ABCA13: variants seen among roughly 807,000 people sequenced by gnomAD.
ABCA13 encodes ATP-binding cassette sub-family A member 13.
ABCA13 carries 476 observed loss-of-function variants against 478.7 expected under a neutral mutation model. The observed-to-expected ratio is 0.99, with a 90% CI of 0.92 to 1.07. The LOEUF is 1.07. ABCA13 is among the 50% of genes least tolerant of loss of function. The pLI, the probability that ABCA13 is intolerant of heterozygous loss-of-function variation, is 0.00. For synonymous variants in ABCA13, 2,252 were observed against 2,158.9 expected (o/e 1.04, Z -1.20); for missense variants, 6,060 against 5,910.6 (o/e 1.03, Z -0.83).
chr7:48,411,341 C>CTTTTCTTTTCTTTTCTTTTCTTTTCTTT (rs1819206644), intron 40 of ABCA13, among the ~76,000 whole-genome samples: 1 of 69,130 alleles, frequency 1.4e-5, no homozygotes, highest in African/African-American at 5.3e-5. Flanking sequence ...TGGAGTCTTG[C>CTTTTCTTTTCTTTTCTTTTCTTTTCTTT]TCTGTTGCCC....
chr7:48,561,415 C>G (rs1786445044), intron 55 of ABCA13, among the ~76,000 whole-genome samples: 1 of 152,064 alleles, frequency 6.6e-6, no homozygotes, highest in Non-Finnish European at 1.5e-5. Context: ...CTTGTCTTTT[C>G]TCTTTTTGAT....
intron 45 of ABCA13, among the ~76,000 whole-genome samples, chr7:48,478,713 G>T (rs10237473): frequency 0.16 from 24,372 of 152,010 alleles, 2,121 homozygotes; most frequent in East Asian, 0.23. Context: ...GTCTTACAGG[G>T]AGGAGAAGAA....
intron 24 of ABCA13, among the ~76,000 whole-genome samples, chr7:48,311,960 G>A (rs1451424456): frequency 6.6e-6 from 1 of 152,204 alleles, no homozygotes; most frequent in African/African-American, 2.4e-5. Flanking sequence ...CCATAAGTCA[G>A]GGGCCAGTCA....
rs779237896 is a variant in ABCA13 at position 48,645,543 on chromosome 7, C to G, written c.*31C>G. On this transcript the variant is annotated 3_prime_UTR_variant, in exon 62 of 62. Coordinates refer to ENST00000435803, the MANE Select transcript of ABCA13 (RefSeq NM_152701.5). Reference sequence around the variant, plus strand: ...AAAGAAGTTTCCATAAGGAATAAAACCTTGTCTTCCATTACAATTAACAGT... The same window carrying G: ...AAAGAAGTTTCCATAAGGAATAAAAGCTTGTCTTCCATTACAATTAACAGT... The G allele has an allele frequency of 2.1e-5, 32 of 1,512,932 alleles. No individual in the cohort carries two copies. Among genetic ancestry groups the G allele is most frequent in the Non-Finnish European group, 2.7e-5 (30 of 1,110,970 alleles). 93.7% of individuals were successfully genotyped at this position (1,512,932 alleles called of 1,614,324 possible).
At chr7:48,277,614 A>G (rs867357510) in intron 17 of ABCA13, among the ~76,000 whole-genome samples, 4 of 152,328 alleles carry the variant, frequency 2.6e-5, no homozygotes, top group Non-Finnish European at 5.9e-5. Context: ...TAGCCCACCC[A>G]GATGAGAAAC....
Position 48,580,390 on chromosome 7 carries a change from G to GA in ABCA13, c.14505+16_14505+17insA. 1.2e-6 allele frequency: 2 copies of GA among 1,606,100 alleles called. No homozygotes were observed. The highest frequency in any genetic ancestry group is 2.2e-5 in the South Asian group (2 of 89,398). ...CATCCCTGAGGTAAATCTCCCTGGG[G>GA]TCTTCTAGATAAAGGGACCCATTGA... On this transcript the variant is annotated intron_variant, in intron 56 of 61. Coordinates refer to ENST00000435803, the MANE Select transcript of ABCA13 (RefSeq NM_152701.5).
chr7:48,590,157 T>C (rs952340878), intron 57 of ABCA13, among the ~76,000 whole-genome samples: 3 of 152,148 alleles, frequency 2.0e-5, no homozygotes, highest in Non-Finnish European at 4.4e-5. Context: ...TAAGAAGTAG[T>C]GTTTTTCCAT....
intron 49 of ABCA13, among the ~76,000 whole-genome samples, chr7:48,507,597 A>G (rs1400206991): frequency 6.6e-6 from 1 of 152,128 alleles, no homozygotes; most frequent in Non-Finnish European, 1.5e-5. Flanking sequence ...GTCAGGCTCA[A>G]TGGTGAAGAG....
At chr7:48,421,859 C>T (rs1051452157) in intron 41 of ABCA13, among the ~76,000 whole-genome samples, 54 of 151,892 alleles carry the variant, frequency 3.6e-4, no homozygotes, top group African/African-American at 1.2e-3. Context: ...TTATTTGTAC[C>T]GCCCTTCACT....
chr7:48,309,572 G>A (rs1162185541), intron 23 of ABCA13, among the ~76,000 whole-genome samples: 1 of 152,114 alleles, frequency 6.6e-6, no homozygotes, highest in African/African-American at 2.4e-5. Context: ...TGAAAGCCAA[G>A]GGTAAGACTT....
At chr7:48,643,906 T>C (rs1304209917) in intron 60 of ABCA13, among the ~76,000 whole-genome samples, 1 of 152,154 alleles carries the variant, frequency 6.6e-6, no homozygotes, top group African/African-American at 2.4e-5. Flanking sequence ...ACCTATTGAA[T>C]GGGAATCTGC....
At chr7:48,629,789 C>T (rs1199020988) in intron 59 of ABCA13, among the ~76,000 whole-genome samples, 3 of 151,998 alleles carry the variant, frequency 2.0e-5, no homozygotes, top group Admixed American at 2.0e-4. Context: ...AGCCTCTGGT[C>T]ACATCACCAC....
intron 5 of ABCA13, among the ~76,000 whole-genome samples, chr7:48,222,774 C>T (rs182179667): frequency 2.4e-4 from 37 of 152,070 alleles, no homozygotes; most frequent in Admixed American, 9.2e-4. Context: ...GATGTTATAC[C>T]GTTTGATTTT....
Position 48,240,963 on chromosome 7 carries a change from A to T in ABCA13, c.1159A>T (p.Ser387Cys), listed in dbSNP as rs774738597. The part of the protein sequence containing the change: ...EALRNQFEEE[S>C]KPWKVVEALH... ...TCTCAGGAATCAGTTTGAAGAAGAGAGCAAGCCCTGGAAGGTGGTGGAAGC... is the reference window on the plus strand; with the variant it reads ...TCTCAGGAATCAGTTTGAAGAAGAGTGCAAGCCCTGGAAGGTGGTGGAAGC... The change falls in exon 10 of 62, where the codon AGC (serine) becomes TGC (cysteine). Residue 387 changes from serine (S) to cysteine (C), a missense_variant. By Grantham distance (112) the Ser-to-Cys change is moderately radical (BLOSUM62 -1). Coordinates refer to ENST00000435803, the MANE Select transcript of ABCA13 (RefSeq NM_152701.5). 4 of 1,613,858 alleles carry T rather than the reference A, an allele frequency of 2.5e-6. No homozygotes were observed. Among genetic ancestry groups the T allele is most frequent in the African/African-American group, 2.7e-5 (2 of 75,054 alleles).
Position 48,272,083 on chromosome 7 carries a change from C to T in ABCA13, c.2417C>T (p.Thr806Ile), listed in dbSNP as rs759691037. Residue 806 changes from threonine (T) to isoleucine (I), a missense_variant, in exon 17 of 62, where the codon ACT becomes ATT. Thr to Ile is a moderately conservative substitution (Grantham distance 89). This residue lies in a region of ABCA13 where 4,423 missense variants were observed against 4,309.1 expected (regional missense o/e 1.03). Transcript: ENST00000435803. ...FGNEVIWKMQ[T>I]LGSHWIRKEP... ...AACGAAGTGATTTGGAAAATGCAGACTCTCGGAAGTCACTGGATAAGGAAG... is the reference window on the plus strand; with the variant it reads ...AACGAAGTGATTTGGAAAATGCAGATTCTCGGAAGTCACTGGATAAGGAAG... The T allele has an allele frequency of 3.1e-6, 5 of 1,613,584 alleles. No homozygotes were observed. In the Admixed American group the frequency reaches 6.7e-5, roughly 22 times the overall value.
intron 8 of ABCA13, 140 bp downstream of exon 8, chr7:48,234,291 C>G (rs145540936): frequency 1.6e-5 from 17 of 1,071,140 alleles, no homozygotes; most frequent in Non-Finnish European, 2.3e-5. Context: ...GAGCTCCTTA[C>G]GCAGAAGAGA....
chr7:48,404,987 G>A (rs998271561), intron 39 of ABCA13, among the ~76,000 whole-genome samples: 3 of 152,224 alleles, frequency 2.0e-5, no homozygotes, highest in Non-Finnish European at 4.4e-5. Flanking sequence ...AAAAGTGCAG[G>A]CCACATCTGC....
intron 15 of ABCA13, among the ~76,000 whole-genome samples, chr7:48,258,561 G>A (rs1487108780): frequency 6.6e-6 from 1 of 151,768 alleles, no homozygotes; most frequent in African/African-American, 2.4e-5. Flanking sequence ...TCTTTTGTAT[G>A]TTTTTTTGTG....
intron 1 of ABCA13, among the ~76,000 whole-genome samples, chr7:48,172,994 T>G (rs1475341252): frequency 1.1e-4 from 17 of 152,052 alleles, no homozygotes; most frequent in African/African-American, 3.6e-4. Flanking sequence ...GTGTTATGGG[T>G]GGAAGTTGGT....
Sources: allele counts gnomAD v4.1 joint callset (sites outside exome capture counted in the v4.1 genomes callset), GRCh38; gene constraint gnomAD v4.1.1; regional missense constraint gnomAD v4.1.1; transcripts MANE v1.5; gene names NCBI Gene and HGNC (gene_info 2026-07-23, HGNC 2026-07-21).